The following COL26A1 variants were observed in gnomAD, a reference collection of about 807,000 sequenced individuals.
COL26A1 encodes collagen alpha-1(XXVI) chain.
Under a neutral mutation model 59.3 loss-of-function variants are expected in COL26A1, and 41 were observed. That is an observed-to-expected ratio of 0.69 (90% CI 0.54 to 0.90). The LOEUF (loss-of-function observed/expected upper bound fraction) is 0.90. Among genes scored for constraint, COL26A1 ranks in the 40% least tolerant of loss-of-function variants. The pLI, the probability that COL26A1 is intolerant of heterozygous loss-of-function variation, is 0.00. For missense variants in COL26A1, 612 were observed against 602.3 expected, an observed-to-expected ratio of 1.02 and a Z score of -0.17; for synonymous variants, 266 against 256.0, an observed-to-expected ratio of 1.04 and a Z score of -0.37.
chr7:101,378,584 A>G (rs1228209661), intron 1 of COL26A1, among the ~76,000 whole-genome samples: 1 of 151,458 alleles, frequency 6.6e-6, no homozygotes, highest in East Asian at 1.9e-4. Flanking sequence ...CTGGTCTCGA[A>G]CTCCTGGCTT....
At chr7:101,535,102 G>A (rs1795454078) in intron 4 of COL26A1, among the ~76,000 whole-genome samples, 1 of 152,174 alleles carries the variant, frequency 6.6e-6, no homozygotes, top group Non-Finnish European at 1.5e-5. Context: ...CCATGGGCGG[G>A]CAGGGTCTCC....
chr7:101,490,983 C>CAAAAAA (rs3073351), intron 3 of COL26A1, among the ~76,000 whole-genome samples: 5,512 of 108,694 alleles, frequency 0.051, 226 homozygotes, highest in African/African-American at 0.1. Flanking sequence ...GGCTCTGTCT[C>CAAAAAA]AAAAAAAAAA....
intron 1 of COL26A1, among the ~76,000 whole-genome samples, chr7:101,394,730 C>T (rs1167974926): frequency 2.0e-5 from 3 of 151,050 alleles, no homozygotes; most frequent in African/African-American, 7.3e-5. Flanking sequence ...GCCAACCACA[C>T]TCTTTTCTCT....
chr7:101,531,702 GTCCTGAGAC>G (rs1411978970), intron 3 of COL26A1, among the ~76,000 whole-genome samples: 6 of 151,986 alleles, frequency 3.9e-5, no homozygotes, highest in African/African-American at 7.2e-5. Context: ...TATTCCCAGG[GTCCTGAGAC>G]TCCCCCCAAC....
At chr7:101,363,662 G>A (rs1054832235) in intron 1 of COL26A1, among the ~76,000 whole-genome samples, 5 of 151,934 alleles carry the variant, frequency 3.3e-5, no homozygotes, top group Admixed American at 1.3e-4. Flanking sequence ...TCCGGCTCCG[G>A]GGCTGCGGTG....
intron 1 of COL26A1, among the ~76,000 whole-genome samples, chr7:101,397,382 TTC>T (rs1185362032): frequency 1.3e-5 from 2 of 151,638 alleles, no homozygotes; most frequent in South Asian, 2.1e-4. Flanking sequence ...CTTCTTCATC[TTC>T]TTTCTTTTTT....
At chr7:101,489,759 T>G (rs199535372) in intron 3 of COL26A1, among the ~76,000 whole-genome samples, 148 of 4,054 alleles carry the variant, frequency 0.037, 42 homozygotes, top group Non-Finnish European at 0.05. Context: ...CTTGTCTCTC[T>G]TTCTTTCTTT....
chr7:101,512,169 A>G (rs1794939358), intron 3 of COL26A1, among the ~76,000 whole-genome samples: 1 of 152,142 alleles, frequency 6.6e-6, no homozygotes, highest in African/African-American at 2.4e-5. Flanking sequence ...TTTACCCCTG[A>G]GTCAGCACAG....
intron 2 of COL26A1, among the ~76,000 whole-genome samples, chr7:101,443,012 AGTGT>A (rs1318806036): frequency 3.3e-5 from 5 of 151,828 alleles, no homozygotes; most frequent in African/African-American, 1.2e-4. Context: ...AAGGTGTGAG[AGTGT>A]GTGAGGGCAC....
intron 3 of COL26A1, among the ~76,000 whole-genome samples, chr7:101,475,809 T>TTCCTTCCTTCC (rs1563000047): frequency 0.018 from 725 of 40,966 alleles, 15 homozygotes; most frequent in African/African-American, 0.096. Flanking sequence ...TCCTTCCTTC[T>TTCCTTCCTTCC]TTCTTTCTTT....
In COL26A1 at chr7:101,382,611, T is replaced by C. The variant is rs545529443; in HGVS notation, c.158+19421T>C. On this transcript the variant is annotated intron_variant, in intron 1 of 12. Transcript: ENST00000313669. The stretch of plus-strand genomic sequence containing the variant: ...GTTAGCTGATAGAACAATTTCTCCT[T>C]CACTGTTCTTTATCAAAATATTCTT... Among the ~76,000 whole-genome samples, 7 of 152,370 alleles carry C rather than the reference T, an allele frequency of 4.6e-5. No individual in the cohort carries two copies. In the East Asian group the frequency reaches 1.3e-3, roughly 29 times the overall value.
At chr7:101,404,666 TAGG>T (rs372720920) in intron 1 of COL26A1, among the ~76,000 whole-genome samples, 105 of 152,274 alleles carry the variant, frequency 6.9e-4, no homozygotes, top group African/African-American at 2.4e-3. Context: ...GAGGCTGAAG[TAGG>T]AGGATTGCTT....
chr7:101,462,793 C>T (rs569081961), intron 3 of COL26A1, among the ~76,000 whole-genome samples: 4 of 152,002 alleles, frequency 2.6e-5, no homozygotes, highest in South Asian at 4.2e-4. Context: ...TGGGGAACAC[C>T]GAGAAGCAGA....
In COL26A1 at chr7:101,371,289, G is replaced by A. The variant is rs111775710; in HGVS notation, c.158+8099G>A. ...CACATCCATGGGGACTTGTCCCTCC[G>A]ACTGGATTGCATGCCTCTGCAGTGT... is the stretch of plus-strand genomic sequence containing the variant. On this transcript the variant is annotated intron_variant, in intron 1 of 12. Transcript: ENST00000313669. Among the ~76,000 whole-genome samples the A allele has an allele frequency of 3.5e-3, 540 of 152,254 alleles. 6 individuals are homozygous for A. The highest frequency in any genetic ancestry group is 0.023 in the Admixed American group (348 of 15,288).
chr7:101,428,022 G>A (rs954093869), intron 2 of COL26A1, among the ~76,000 whole-genome samples: 2 of 152,050 alleles, frequency 1.3e-5, no homozygotes, highest in African/African-American at 2.4e-5. Flanking sequence ...TTTCTACGGC[G>A]TGAGTATATT....
intron 3 of COL26A1, among the ~76,000 whole-genome samples, chr7:101,512,248 G>C (rs1794941322): frequency 6.6e-6 from 1 of 152,138 alleles, no homozygotes; most frequent in African/African-American, 2.4e-5. Flanking sequence ...ACTCAGGAAA[G>C]CCCACTGGCT....
intron 1 of COL26A1, among the ~76,000 whole-genome samples, chr7:101,384,845 C>G (rs971585304): frequency 2.6e-5 from 4 of 152,126 alleles, no homozygotes; most frequent in Admixed American, 6.6e-5. Flanking sequence ...TCCAAAACCT[C>G]CAAAGTAAGG....
chr7:101,526,599 C>G (rs946048983), intron 3 of COL26A1, among the ~76,000 whole-genome samples: 1 of 152,352 alleles, frequency 6.6e-6, no homozygotes, highest in East Asian at 1.9e-4. Context: ...CAAATCCCCT[C>G]TCAGGGCCCA....
In COL26A1 at chr7:101,506,939, C is replaced by G. The variant is rs13245178; in HGVS notation, c.386-26143C>G. On this transcript the variant is annotated intron_variant, in intron 3 of 12. Coordinates refer to ENST00000313669, the MANE Select transcript of COL26A1 (RefSeq NM_001278563.3). Reference sequence around the variant, plus strand: ...CCCTAGAACCACTCCTTTTTTTTTTCCCCCTCACTCTATTGCCCAGGCTGG... The same window carrying G: ...CCCTAGAACCACTCCTTTTTTTTTTGCCCCTCACTCTATTGCCCAGGCTGG... Among the ~76,000 whole-genome samples the G allele has an allele frequency of 2.0e-5, 3 of 149,848 alleles. No individual in the cohort carries two copies. The South Asian group carries it at 6.3e-4, about 32-fold the overall frequency.
Sources: gnomAD v4.1 joint callset for allele counts (sites outside exome capture counted in the v4.1 genomes callset) on GRCh38, gnomAD v4.1.1 for gene constraint, MANE v1.5 for transcripts, NCBI Gene and HGNC (gene_info 2026-07-23, HGNC 2026-07-21) for gene names.